SEC23IP: variants seen among roughly 807,000 people sequenced by gnomAD.
SEC23IP encodes the protein SEC23-interacting protein.
SEC23IP carries 70 observed loss-of-function variants against 113.4 expected under a neutral mutation model. The observed-to-expected ratio is 0.62, with a 90% CI of 0.51 to 0.75. The LOEUF (loss-of-function observed/expected upper bound fraction) is 0.75, where lower values mean the gene tolerates loss of function less well. SEC23IP is among the 30% of genes least tolerant of loss of function. SEC23IP has a pLI of 0.00. For missense variants in SEC23IP, 1,160 were observed against 1,204.9 expected, an observed-to-expected ratio of 0.96 and a Z score of 0.55; for synonymous variants, 398 against 421.0, an observed-to-expected ratio of 0.95 and a Z score of 0.67.
intron 18 of SEC23IP, among the ~76,000 whole-genome samples, chr10:119,934,892 T>A (rs1855723266): frequency 6.6e-6 from 1 of 152,216 alleles, no homozygotes; most frequent in South Asian, 2.1e-4. Flanking sequence ...ATCTCATCAC[T>A]TTGGGAGGCC....
At chr10:119,893,421 A>G (rs1456079832) in intron 1 of SEC23IP, among the ~76,000 whole-genome samples, 1 of 151,512 alleles carries the variant, frequency 6.6e-6, no homozygotes, top group Non-Finnish European at 1.5e-5. Flanking sequence ...AATATCTTCT[A>G]GGTTACAGTA....
chr10:119,920,160 T>C (rs1855203496), intron 11 of SEC23IP, among the ~76,000 whole-genome samples: 1 of 152,230 alleles, frequency 6.6e-6, no homozygotes, highest in African/African-American at 2.4e-5. Context: ...GGTCAGACTG[T>C]AAAATATTAC....
intron 18 of SEC23IP, among the ~76,000 whole-genome samples, chr10:119,938,126 T>TA (rs71019734): frequency 0.037 from 5,125 of 138,692 alleles, 113 homozygotes; most frequent in South Asian, 0.058. Flanking sequence ...CCTCGTCTCT[T>TA]AAAAAAAAAA....
chr10:119,921,136 G>A (rs1253772320), intron 12 of SEC23IP, 152 bp downstream of exon 12: 1 of 538,512 alleles, frequency 1.9e-6, no homozygotes, highest in Non-Finnish European at 3.2e-6. Flanking sequence ...CCCAGACTTA[G>A]GAGTCAGAGT....
At chr10:119,897,739 C>T (rs75097627) in intron 1 of SEC23IP, among the ~76,000 whole-genome samples, 6 of 152,098 alleles carry the variant, frequency 3.9e-5, no homozygotes, top group South Asian at 2.1e-4. Context: ...GGCTCATGCC[C>T]GTAATCCCAG....
chr10:119,914,330 T>A (rs1048725129), intron 6 of SEC23IP, among the ~76,000 whole-genome samples: 1 of 152,212 alleles, frequency 6.6e-6, no homozygotes, highest in Non-Finnish European at 1.5e-5. Flanking sequence ...TTGAAGTGTA[T>A]GTAAAATGTT....
intron 4 of SEC23IP, among the ~76,000 whole-genome samples, chr10:119,906,243 C>T (rs1854658577): frequency 7.3e-6 from 1 of 136,866 alleles, no homozygotes; most frequent in Non-Finnish European, 1.5e-5. Flanking sequence ...GATCGTGTCA[C>T]AGCACTTTAG....
In SEC23IP at chr10:119,902,858, C is replaced by G. The variant is rs769115790; in HGVS notation, c.756C>G (p.Pro252=). 1 of 1,614,194 alleles carries G rather than the reference C, an allele frequency of 6.2e-7. No individual in the cohort carries two copies. Among genetic ancestry groups the G allele is most frequent in the Non-Finnish European group, 8.5e-7 (1 of 1,180,032 alleles). The change falls in exon 3 of 19, where the codon CCC becomes CCG. Residue 252 remains proline (P), a synonymous_variant. Transcript: ENST00000369075. Reference sequence around the variant, plus strand: ...AGGTACCTGCCAGACCTGGGGCTCCCTCTGTTCAAGTGCCATCTCCTTTTC... The same window carrying G: ...AGGTACCTGCCAGACCTGGGGCTCCGTCTGTTCAAGTGCCATCTCCTTTTC... ...QQQVPARPGA[P]SVQVPSPFLL...
At chr10:119,924,874 T>C (rs922361070) in intron 12 of SEC23IP, among the ~76,000 whole-genome samples, 2 of 151,798 alleles carry the variant, frequency 1.3e-5, no homozygotes, top group Non-Finnish European at 2.9e-5. Flanking sequence ...ACCTCCTGGG[T>C]TCAAGCAATC....
At chr10:119,920,024 CATAAG>C (rs1311475798) in intron 11 of SEC23IP, among the ~76,000 whole-genome samples, 1 of 152,040 alleles carries the variant, frequency 6.6e-6, no homozygotes, top group African/African-American at 2.4e-5. Context: ...TATGAAAACT[CATAAG>C]AGAAATGGAA....
At chr10:119,936,758 T>C (rs908254890) in intron 18 of SEC23IP, among the ~76,000 whole-genome samples, 22 of 152,164 alleles carry the variant, frequency 1.4e-4, no homozygotes, top group African/African-American at 5.3e-4. Context: ...TTTCTATTAT[T>C]AGTGAAGTTG....
rs1855952317 is a variant in SEC23IP at position 119,941,162 on chromosome 10, A to G, written c.*597A>G. 6.6e-6 allele frequency: 1 copy of G among 152,210 alleles called. No individual in the cohort carries two copies. The highest frequency in any genetic ancestry group is 2.1e-4 in the South Asian group (1 of 4,822). 9.4% of individuals were successfully genotyped at this position (152,210 alleles called of 1,614,324 possible). A position where few individuals can be genotyped will look rare whatever the true frequency, so the allele number is the denominator to read the frequency against. ...CCCAACTGAATCTGAGGTTTTATAA[A>G]TCCCTCAAACGATTGCTGAGAGCCT... On this transcript the variant is annotated 3_prime_UTR_variant, in exon 19 of 19. Coordinates refer to ENST00000369075, the MANE Select transcript of SEC23IP (RefSeq NM_007190.4).
At chr10:119,906,361 C>A (rs1854665896) in intron 4 of SEC23IP, among the ~76,000 whole-genome samples, 1 of 147,762 alleles carries the variant, frequency 6.8e-6, no homozygotes, top group Admixed American at 6.8e-5. Context: ...CAATTCTTCC[C>A]AAATTATCAG....
Position 119,914,730 on chromosome 10 carries a change from G to A in SEC23IP, c.1313G>A (p.Gly438Glu). The A allele has an allele frequency of 6.2e-7, 1 of 1,613,704 alleles. No homozygotes were observed. Among genetic ancestry groups the A allele is most frequent in the Non-Finnish European group, 8.5e-7 (1 of 1,179,806 alleles). Residue 438 changes from glycine (G) to glutamate (E), a missense_variant and splice_region_variant, in exon 7 of 19, where the codon GGG becomes GAG. Coordinates refer to ENST00000369075, the MANE Select transcript of SEC23IP (RefSeq NM_007190.4). ...IDDNLDEIPD[G>E]EMPQVDHLVF... ...TAGGTTTAAAAATTTTTTTTGATAGGGGAGATGCCTCAAGTTGACCATTTG... is the reference window on the plus strand; with the variant it reads ...TAGGTTTAAAAATTTTTTTTGATAGAGGAGATGCCTCAAGTTGACCATTTG...
rs144122443 is a variant in SEC23IP at position 119,898,677 on chromosome 10, G to A, written c.414G>A (p.Ser138=). ...CGAATGCATTTTCACCATCCATTTCGAAGGCTCAACCTGGTGCTCCACCTT... is the reference window on the plus strand; with the variant it reads ...CGAATGCATTTTCACCATCCATTTCAAAGGCTCAACCTGGTGCTCCACCTT... ...DVSNAFSPSI[S]KAQPGAPPSS... Residue 138 remains serine, a synonymous_variant, in exon 2 of 19, where the codon TCG becomes TCA. Transcript: ENST00000369075. 1.9e-4 allele frequency: 302 copies of A among 1,614,022 alleles called. No homozygotes were observed. The highest frequency in any genetic ancestry group is 5.3e-4 in the African/African-American group (40 of 74,902).
intron 15 of SEC23IP, among the ~76,000 whole-genome samples, chr10:119,930,704 T>C (rs1855568730): frequency 6.6e-6 from 1 of 152,194 alleles, no homozygotes. Context: ...TGATAGAGTT[T>C]GGTTACAAGT....
intron 2 of SEC23IP, 28 bp downstream of exon 2, chr10:119,898,987 T>G (rs1210520132): frequency 1.3e-6 from 2 of 1,492,938 alleles, no homozygotes; most frequent in South Asian, 2.6e-5. Flanking sequence ...TGTGTCCTAC[T>G]TATTCACTCT....
intron 5 of SEC23IP, among the ~76,000 whole-genome samples, chr10:119,909,869 C>G (rs1854803244): frequency 6.6e-6 from 1 of 152,128 alleles, no homozygotes; most frequent in African/African-American, 2.4e-5. Context: ...CTGGGTGACA[C>G]AGCAAGACTC....
At chr10:119,925,589 T>C (rs1346810262) in intron 12 of SEC23IP, among the ~76,000 whole-genome samples, 4 of 152,290 alleles carry the variant, frequency 2.6e-5, no homozygotes, top group African/African-American at 7.2e-5. Flanking sequence ...TTGCCCAGGG[T>C]GGAGTGCAGT....
Sources: gnomAD v4.1 joint callset for allele counts (sites outside exome capture counted in the v4.1 genomes callset) on GRCh38, gnomAD v4.1.1 for gene constraint, MANE v1.5 for transcripts, NCBI Gene and HGNC (gene_info 2026-07-23, HGNC 2026-07-21) for gene names.